RYR3: variants seen among roughly 807,000 people sequenced by gnomAD.
RYR3 encodes the protein brain ryanodine receptor-calcium release channel.
A neutral mutation model predicts 584.3 loss-of-function variants in RYR3; 207 were observed. The ratio of observed to expected loss-of-function variants is 0.35; its 90% CI spans 0.32 to 0.40. The LOEUF is 0.40. Among genes scored for constraint, RYR3 ranks in the 10% least tolerant of loss-of-function variants. RYR3 has a pLI of 1.00. For synonymous variants in RYR3, 2,416 were observed against 2,248.5 expected (o/e 1.07, Z -2.11); for missense variants, 5,616 against 6,089.2 (o/e 0.92, Z 2.59).
At chr15:33,323,794 C>T (rs1969329034) in intron 1 of RYR3, among the ~76,000 whole-genome samples, 1 of 152,064 alleles carries the variant, frequency 6.6e-6, no homozygotes, top group African/African-American at 2.4e-5. Context: ...TTTGACTGTC[C>T]CCTGGGCTTT....
In RYR3 at chr15:33,670,313, T is replaced by C. The variant is rs1021985114; in HGVS notation, c.5723-106T>C. On this transcript the variant is annotated intron_variant, in intron 37 of 103. Transcript: ENST00000634891. The stretch of plus-strand genomic sequence containing the variant: ...ATCTTTAGAAAGCCTGTAGTATCTT[T>C]AGAAAGTTCCAGAAGGATGGGAAGC... The C allele has an allele frequency of 7.6e-6, 9 of 1,183,572 alleles. No homozygotes were observed. In the Admixed American group the frequency reaches 1.0e-4, roughly 13 times the overall value. 73.3% of individuals were successfully genotyped at this position (1,183,572 alleles called of 1,614,324 possible).
rs992599408 is a variant in RYR3 at position 33,837,846 on chromosome 15, C to A, written c.11866C>A (p.Gln3956Lys). ...KAMEGQKQYT[Q>K]SEIDFLLSCA... ...CATGGAAGGGCAAAAACAGTACACG[C>A]AGTCAGAGATTGACTTTCTCCTGTC... The change falls in exon 89 of 104, where the codon CAG becomes AAG. Residue 3956 changes from glutamine to lysine, a missense_variant. Transcript: ENST00000634891. 2.5e-6 allele frequency: 4 copies of A among 1,613,892 alleles called. No individual in the cohort carries two copies. In the African/African-American group the frequency reaches 5.3e-5, roughly 22 times the overall value.
chr15:33,840,629 C>T, intron 89 of RYR3, 196 bp from the exon 90 acceptor site: 1 of 601,366 alleles, frequency 1.7e-6, no homozygotes. Flanking sequence ...TTTCAAGTTT[C>T]AAATCTTTGT....
rs1012667130 is a variant in RYR3 at position 33,662,508 on chromosome 15, T to C, written c.4978T>C (p.Cys1660Arg). ...HGLPGVGLRT[C>R]LKPGFRFSTP... ...ACTGCCTGGGGTGGGCCTGAGAACA[T>C]GTCTCAAGCCCGGGTTCAGGTTCTC... The change falls in exon 35 of 104, where the codon TGT (cysteine) becomes CGT (arginine). Residue 1660 changes from cysteine (C) to arginine (R), a missense_variant. Physicochemically the swap from Cys to Arg is radical, Grantham distance 180. Around this residue, in one of 9 missense-constraint regions of RYR3, gnomAD observed 753 missense variants for 741.0 expected, o/e 1.02. Transcript: ENST00000634891. 1 of 1,613,980 alleles carries C rather than the reference T, an allele frequency of 6.2e-7. No individual in the cohort carries two copies. The highest frequency in any genetic ancestry group is 1.1e-5 in the South Asian group (1 of 91,076).
intron 38 of RYR3, among the ~76,000 whole-genome samples, chr15:33,694,748 A>C (rs1222990471): frequency 6.6e-6 from 1 of 152,206 alleles, no homozygotes; most frequent in Non-Finnish European, 1.5e-5. Context: ...ATTAGTCTGC[A>C]GTCCCTGCCT....
intron 1 of RYR3, among the ~76,000 whole-genome samples, chr15:33,400,521 G>T (rs1458764957): frequency 6.6e-6 from 1 of 152,188 alleles, no homozygotes; most frequent in African/African-American, 2.4e-5. Flanking sequence ...CCTATTTAGA[G>T]GTCTGTGAAA....
intron 2 of RYR3, among the ~76,000 whole-genome samples, chr15:33,484,419 C>G (rs2050237229): frequency 6.6e-6 from 1 of 151,984 alleles, no homozygotes; most frequent in African/African-American, 2.4e-5. Flanking sequence ...ATAGATGGCA[C>G]TACTAGAGAG....
intron 16 of RYR3, among the ~76,000 whole-genome samples, chr15:33,598,533 G>A (rs2059500852): frequency 1.4e-5 from 2 of 145,418 alleles, no homozygotes; most frequent in Non-Finnish European, 3.0e-5. Context: ...GCTAACTTTA[G>A]TCGTTTAAAA....
At chr15:33,655,596 C>T (rs2062781922) in intron 32 of RYR3, among the ~76,000 whole-genome samples, 1 of 152,102 alleles carries the variant, frequency 6.6e-6, no homozygotes, top group South Asian at 2.1e-4. Context: ...TGCTGGTACC[C>T]TACCTCCTGG....
At chr15:33,756,800 A>T (rs1270236410) in intron 59 of RYR3, among the ~76,000 whole-genome samples, 1 of 152,084 alleles carries the variant, frequency 6.6e-6, no homozygotes, top group African/African-American at 2.4e-5. Context: ...GTGAGAGATG[A>T]CAGGTTTACC....
intron 1 of RYR3, among the ~76,000 whole-genome samples, chr15:33,376,670 C>G (rs952079832): frequency 1.3e-5 from 2 of 152,172 alleles, no homozygotes; most frequent in Non-Finnish European, 2.9e-5. Flanking sequence ...GTGGGGAACC[C>G]GGGTAGTACT....
intron 53 of RYR3, among the ~76,000 whole-genome samples, chr15:33,746,803 C>CTTTTTTTTTTTTTTTT (rs367738785): frequency 7.4e-6 from 1 of 135,692 alleles, no homozygotes. Context: ...TTTCTTTCTT[C>CTTTTTTTTTTTTTTTT]TTTTTTTTTT....
chr15:33,671,847 C>A (rs1263592032), intron 38 of RYR3, among the ~76,000 whole-genome samples: 1 of 119,312 alleles, frequency 8.4e-6, no homozygotes, highest in Non-Finnish European at 1.6e-5. Flanking sequence ...CAGGGTCTTG[C>A]TCTGTCACCC....
intron 4 of RYR3, among the ~76,000 whole-genome samples, chr15:33,530,951 C>T (rs1374536267): frequency 6.6e-6 from 1 of 152,072 alleles, no homozygotes; most frequent in Non-Finnish European, 1.5e-5. Flanking sequence ...CCACCAAATG[C>T]AGTGCTTTGA....
chr15:33,406,981 T>G (rs2043066262), intron 1 of RYR3, among the ~76,000 whole-genome samples: 1 of 152,214 alleles, frequency 6.6e-6, no homozygotes, highest in South Asian at 2.1e-4. Flanking sequence ...GGCTGGCAAG[T>G]CCAGAATCAA....
chr15:33,626,466 G>A (rs1449636660), intron 20 of RYR3, among the ~76,000 whole-genome samples: 3 of 152,162 alleles, frequency 2.0e-5, no homozygotes, highest in Non-Finnish European at 4.4e-5. Context: ...GTAGCCTAAC[G>A]ATGCAATAGA....
At chr15:33,751,264 T>A (rs2071273658) in intron 57 of RYR3, among the ~76,000 whole-genome samples, 1 of 152,242 alleles carries the variant, frequency 6.6e-6, no homozygotes, top group East Asian at 1.9e-4. Flanking sequence ...ATGGGATTGC[T>A]GGGTTAAATG....
chr15:33,856,566 A>C (rs2079683147), intron 98 of RYR3: 1 of 152,310 alleles, frequency 6.6e-6, no homozygotes, highest in Admixed American at 6.5e-5. Context: ...AGTAACTTCA[A>C]AGTTGTGACA....
intron 67 of RYR3, among the ~76,000 whole-genome samples, chr15:33,789,204 C>T (rs1008237004): frequency 6.6e-6 from 1 of 152,088 alleles, no homozygotes; most frequent in Non-Finnish European, 1.5e-5. Flanking sequence ...GTCAGAGAGG[C>T]AACACGGGGC....
Sources: allele counts gnomAD v4.1 joint callset (sites outside exome capture counted in the v4.1 genomes callset), GRCh38; gene constraint gnomAD v4.1.1; regional missense constraint gnomAD v4.1.1; transcripts MANE v1.5; gene names NCBI Gene and HGNC (gene_info 2026-07-23, HGNC 2026-07-21).